Variants in MAL observed in about 807,000 individuals in gnomAD.
The protein encoded by MAL is mal, T cell differentiation protein (MAL blood group), also known as myelin and lymphocyte protein.
Under a neutral mutation model 16.7 loss-of-function variants are expected in MAL, and 5 were observed. The ratio of observed to expected loss-of-function variants is 0.30; its 90% CI spans 0.16 to 0.63. The LOEUF (loss-of-function observed/expected upper bound fraction) is 0.63. Ranked by LOEUF, MAL falls within the 30% of genes least tolerant of loss-of-function variation. MAL has a pLI of 0.82. For missense variants in MAL, 202 were observed against 195.8 expected (o/e 1.03, Z -0.19); for synonymous variants, 96 against 85.5 (o/e 1.12, Z -0.67).
intron 1 of MAL, among the ~76,000 whole-genome samples, chr2:95,033,562 G>A (rs1307833799): frequency 6.6e-6 from 1 of 152,068 alleles, no homozygotes; most frequent in Non-Finnish European, 1.5e-5. Context: ...AGGATCACTT[G>A]AGGTCAGGAG....
Position 95,047,218 on chromosome 2 carries a change from C to T in MAL, c.94-741C>T, listed in dbSNP as rs564926258. ...GAAGAAATAGCAGCTCTTCTCATGA[C>T]AATACCAAATGGCATAAATCCTTTC... On this transcript the variant is annotated intron_variant, in intron 1 of 3. Coordinates refer to ENST00000309988, the MANE Select transcript of MAL (RefSeq NM_002371.4). Among the ~76,000 whole-genome samples, 11 of 152,272 alleles carry T rather than the reference C, an allele frequency of 7.2e-5. No individual in the cohort carries two copies. The East Asian group carries it at 2.1e-3, about 29-fold the overall frequency.
At chr2:95,049,237 C>T (rs529720923) in intron 2 of MAL, among the ~76,000 whole-genome samples, 6 of 152,316 alleles carry the variant, frequency 3.9e-5, no homozygotes, top group African/African-American at 1.4e-4. Context: ...TCAGCGAGGC[C>T]ACACCCAACC....
At chr2:95,033,516 G>A (rs1316583234) in intron 1 of MAL, among the ~76,000 whole-genome samples, 23 of 152,024 alleles carry the variant, frequency 1.5e-4, no homozygotes, top group Admixed American at 1.2e-3. Context: ...ATGTTAACGC[G>A]CCTGTAATCC....
chr2:95,033,195 G>A lies in MAL; in HGVS notation c.93+7310G>A, dbSNP rs543014714. ...GTGGGCACTCCAGGAATAGGGCCAC[G>A]GGGAAGGACAGAAGATGACGTTCCC... On this transcript the variant is annotated intron_variant, in intron 1 of 3. Transcript: ENST00000309988. 6.6e-5 allele frequency among the ~76,000 whole-genome samples: 10 copies of A among 152,318 alleles called. No individual in the cohort carries two copies. In the East Asian group the frequency reaches 9.7e-4, roughly 15 times the overall value.
chr2:95,029,253 C>T (rs1372087374), intron 1 of MAL, among the ~76,000 whole-genome samples: 1 of 152,164 alleles, frequency 6.6e-6, no homozygotes, highest in Non-Finnish European at 1.5e-5. Flanking sequence ...TTATCTTATT[C>T]TCTCTCTCCC....
intron 3 of MAL, among the ~76,000 whole-genome samples, chr2:95,052,804 C>T (rs1333939327): frequency 6.6e-6 from 1 of 152,160 alleles, no homozygotes; most frequent in African/African-American, 2.4e-5. Flanking sequence ...GCTCAAAATC[C>T]CTTCTCCCCT....
chr2:95,041,491 C>T (rs552693375), intron 1 of MAL, among the ~76,000 whole-genome samples: 6 of 152,300 alleles, frequency 3.9e-5, no homozygotes, highest in South Asian at 4.1e-4. Context: ...ACAGAAGAGG[C>T]TGCTTCATCT....
At chr2:95,053,311 G>A in intron 3 of MAL, 70 bp from the exon 4 acceptor site, 1 of 1,053,314 alleles carries the variant, frequency 9.5e-7, no homozygotes, top group Non-Finnish European at 1.5e-6. Flanking sequence ...CGTGGGGCTG[G>A]ATGCAGTGCA....
chr2:95,037,153 C>G (rs1242440039), intron 1 of MAL, among the ~76,000 whole-genome samples: 195 of 82,702 alleles, frequency 2.4e-3, no homozygotes, highest in Middle Eastern at 0.012. Context: ...GAGTGAGTAA[C>G]TGAGTGGGTG....
chr2:95,030,205 G>A (rs930382362), intron 1 of MAL, among the ~76,000 whole-genome samples: 1 of 152,210 alleles, frequency 6.6e-6, no homozygotes, highest in East Asian at 1.9e-4. Flanking sequence ...GTCCTCACAG[G>A]AAGAGGAAGG....
At chr2:95,037,336 GTGAC>G in intron 1 of MAL, among the ~76,000 whole-genome samples, 1 of 150,948 alleles carries the variant, frequency 6.6e-6, no homozygotes, top group African/African-American at 2.4e-5. Flanking sequence ...GGCTGAGTGA[GTGAC>G]TGAGTGGGTG....
At chr2:95,035,745 C>A (rs1472809306) in intron 1 of MAL, among the ~76,000 whole-genome samples, 1 of 151,190 alleles carries the variant, frequency 6.6e-6, no homozygotes, top group Non-Finnish European at 1.5e-5. Context: ...TCTCGGCTCA[C>A]TGCAACCTCT....
intron 1 of MAL, among the ~76,000 whole-genome samples, chr2:95,032,455 C>T (rs565943705): frequency 2.2e-4 from 33 of 152,324 alleles, no homozygotes; most frequent in African/African-American, 7.9e-4. Flanking sequence ...TTCCTCCTGG[C>T]CCCTCCAGTG....
At chr2:95,046,922 G>C (rs1674600495) in intron 1 of MAL, among the ~76,000 whole-genome samples, 1 of 144,734 alleles carries the variant, frequency 6.9e-6, no homozygotes, top group Non-Finnish European at 1.5e-5. Flanking sequence ...GAGAGAGAAA[G>C]AAAGAGAGAA....
chr2:95,029,767 C>T (rs1004642113), intron 1 of MAL, among the ~76,000 whole-genome samples: 2 of 152,192 alleles, frequency 1.3e-5, no homozygotes, highest in Non-Finnish European at 2.9e-5. Flanking sequence ...ACTCAAGCCC[C>T]TTCCAAGACT....
chr2:95,045,970 G>A (rs567578241), intron 1 of MAL, among the ~76,000 whole-genome samples: 1 of 152,312 alleles, frequency 6.6e-6, no homozygotes, highest in East Asian at 1.9e-4. Flanking sequence ...GCCCTGCCAC[G>A]TGCCTTCAGG....
At chr2:95,042,813 A>ACC (rs1169831882) in intron 1 of MAL, among the ~76,000 whole-genome samples, 1 of 152,084 alleles carries the variant, frequency 6.6e-6, no homozygotes, top group African/African-American at 2.4e-5. Flanking sequence ...CTTGCTCTGG[A>ACC]CAAATATTTG....
At chr2:95,041,164 G>T (rs1320875949) in intron 1 of MAL, among the ~76,000 whole-genome samples, 1 of 152,208 alleles carries the variant, frequency 6.6e-6, no homozygotes, top group Admixed American at 6.5e-5. Flanking sequence ...GGGGACTGTG[G>T]ATGAAGAGTT....
At chr2:95,027,540 G>A (rs1159845048) in intron 1 of MAL, among the ~76,000 whole-genome samples, 1 of 152,188 alleles carries the variant, frequency 6.6e-6, no homozygotes, top group East Asian at 1.9e-4. Context: ...CTCTAGATTA[G>A]GGGTGGGCTC....
Sources: allele counts gnomAD v4.1 joint callset (sites outside exome capture counted in the v4.1 genomes callset), GRCh38; gene constraint gnomAD v4.1.1; transcripts MANE v1.5; gene names NCBI Gene and HGNC (gene_info 2026-07-23, HGNC 2026-07-21).